Variants in DRC4 observed in about 807,000 individuals in gnomAD.
DRC4 encodes the protein GAS-11.
the DRC4 span, chr16:90,043,699 G>A: frequency 2.0e-6 from 1 of 501,222 alleles, no homozygotes; most frequent in Non-Finnish European, 4.0e-6. Flanking sequence ...CGCCACTGTT[G>A]TCCCACCGAA....
the DRC4 span, among the ~76,000 whole-genome samples, chr16:90,026,477 G>T: frequency 1.3e-5 from 2 of 152,170 alleles, no homozygotes; most frequent in Non-Finnish European, 2.9e-5. Flanking sequence ...GAAACTTGTG[G>T]TTGTCACAAC....
chr16:90,038,177 A>T, the DRC4 span, among the ~76,000 whole-genome samples: 1 of 152,116 alleles, frequency 6.6e-6, no homozygotes, highest in Non-Finnish European at 1.5e-5. Context: ...TCCCCTCGAG[A>T]GCTCACCTCT....
chr16:90,044,770 G>A, the DRC4 span: 1 of 369,918 alleles, frequency 2.7e-6, no homozygotes, highest in Non-Finnish European at 5.5e-6. Flanking sequence ...AGGTCCTGCA[G>A]TTCCAGAGCA....
At chr16:90,038,160 A>T in the DRC4 span, among the ~76,000 whole-genome samples, 1 of 152,110 alleles carries the variant, frequency 6.6e-6, no homozygotes, top group Non-Finnish European at 1.5e-5. Flanking sequence ...ATCACACATG[A>T]CTTTCGTCCC....
chr16:90,044,516 A>G, the DRC4 span: 1 of 471,068 alleles, frequency 2.1e-6, no homozygotes, highest in Non-Finnish European at 4.4e-6. Context: ...ACATGTGGGT[A>G]GAAGCTTTCC....
At chr16:90,040,215 G>A in the DRC4 span, 3 of 1,321,750 alleles carry the variant, frequency 2.3e-6, no homozygotes, top group East Asian at 2.5e-5. Flanking sequence ...TTCCAGGCAG[G>A]TGCAGAGGTG....
the DRC4 span, among the ~76,000 whole-genome samples, chr16:90,030,175 T>A: frequency 6.6e-6 from 1 of 152,222 alleles, no homozygotes; most frequent in Non-Finnish European, 1.5e-5. Context: ...GTCTACTGGT[T>A]TTGTATATTT....
chr16:90,040,607 C>T, the DRC4 span: 4 of 1,132,694 alleles, frequency 3.5e-6, no homozygotes, highest in African/African-American at 2.0e-5. Flanking sequence ...ACAGAGACCC[C>T]TCGGTCGGCC....
the DRC4 span, among the ~76,000 whole-genome samples, chr16:90,041,399 C>T: frequency 6.6e-6 from 1 of 152,214 alleles, no homozygotes; most frequent in African/African-American, 2.4e-5. Flanking sequence ...AGGCTGGGCC[C>T]AGCAGTGCCC....
chr16:90,023,798 C>T, the DRC4 span, among the ~76,000 whole-genome samples: 3 of 150,742 alleles, frequency 2.0e-5, no homozygotes, highest in South Asian at 6.3e-4. Context: ...TCCAGACCAT[C>T]CTGGCCAACA....
chr16:90,041,194 C>T, the DRC4 span, among the ~76,000 whole-genome samples: 2 of 152,140 alleles, frequency 1.3e-5, no homozygotes, highest in Non-Finnish European at 2.9e-5. Context: ...TGCAGCTGCG[C>T]CCACGCGCCA....
the DRC4 span, among the ~76,000 whole-genome samples, chr16:90,028,173 A>ATTTTTTTTTTTTTTTTT: frequency 3.4e-4 from 22 of 63,836 alleles, 5 homozygotes; most frequent in African/African-American, 8.1e-4. Flanking sequence ...TTAATCGTTC[A>ATTTTTTTTTTTTTTTTT]TTTTTTTTTT....
At chr16:90,023,729 C>G in the DRC4 span, among the ~76,000 whole-genome samples, 6 of 151,076 alleles carry the variant, frequency 4.0e-5, no homozygotes, top group African/African-American at 7.2e-5. Flanking sequence ...CGCGGTGGCT[C>G]ACGCCTGTAA....
the DRC4 span, chr16:90,019,857 A>T: frequency 1.5e-6 from 1 of 684,384 alleles, no homozygotes; most frequent in Non-Finnish European, 2.7e-6. The surrounding 1 kb of genome is among the most constrained non-coding windows in gnomAD (Gnocchi z 6.1). Context: ...CTGGGTAATG[A>T]CAGACTCACA....
the DRC4 span, chr16:90,019,696 C>G: frequency 1.8e-6 from 1 of 569,640 alleles, no homozygotes; most frequent in Non-Finnish European, 3.0e-6. The surrounding 1 kb of genome is among the most constrained non-coding windows in gnomAD (Gnocchi z 6.1). Context: ...CTCCCGACCC[C>G]GGCCGGGCGT....
the DRC4 span, chr16:90,031,091 C>G: frequency 8.5e-7 from 1 of 1,173,172 alleles, no homozygotes; most frequent in Non-Finnish European, 1.2e-6. Context: ...TGATTATTGG[C>G]CAAATTGAAG....
chr16:90,039,308 C>G, the DRC4 span, among the ~76,000 whole-genome samples: 23 of 152,150 alleles, frequency 1.5e-4, no homozygotes, highest in Non-Finnish European at 2.5e-4. Context: ...GTGTCTCTTC[C>G]TAGAGAACCG....
At chr16:90,031,977 G>A in the DRC4 span, among the ~76,000 whole-genome samples, 1 of 151,918 alleles carries the variant, frequency 6.6e-6, no homozygotes, top group East Asian at 1.9e-4. Flanking sequence ...GGGCAGGTAT[G>A]TGCAGGTGAG....
chr16:90,042,464 C>G, the DRC4 span: 1 of 1,613,670 alleles, frequency 6.2e-7, no homozygotes, highest in Non-Finnish European at 8.5e-7. Flanking sequence ...ACCTCTCTCT[C>G]CTCAGGATGT....
Sources: gnomAD v4.1 joint callset for allele counts (sites outside exome capture counted in the v4.1 genomes callset) on GRCh38, gnomAD v4.1.1 for gene constraint, Gnocchi (gnomAD v3.1) non-coding constraint, MANE v1.5 for transcripts, NCBI Gene and HGNC (gene_info 2026-07-23, HGNC 2026-07-21) for gene names.